The following RGS6 variants were observed in gnomAD, a reference collection of about 807,000 sequenced individuals.
RGS6 encodes regulator of G protein signaling 6.
In RGS6, 30 loss-of-function variants were observed where a neutral mutation model predicts 78.5. That is an observed-to-expected ratio of 0.38 (90% CI 0.29 to 0.52). The LOEUF (loss-of-function observed/expected upper bound fraction) is 0.52. Ranked by LOEUF, RGS6 falls within the 20% of genes least tolerant of loss-of-function variation. RGS6 has a pLI of 0.85. For missense variants in RGS6, 495 were observed against 609.7 expected, an observed-to-expected ratio of 0.81 and a Z score of 1.98; for synonymous variants, 206 against 206.0, an observed-to-expected ratio of 1.00 and a Z score of 0.00.
intron 2 of RGS6, among the ~76,000 whole-genome samples, chr14:72,323,013 AT>A (rs139005398): frequency 0.01 from 1,597 of 152,274 alleles, 29 homozygotes; most frequent in African/African-American, 0.036. Flanking sequence ...AATAGCATTA[AT>A]TAACATTATT....
the RGS6 span, among the ~76,000 whole-genome samples, chr14:71,909,404 G>A: frequency 1.3e-5 from 2 of 152,072 alleles, no homozygotes; most frequent in African/African-American, 4.8e-5. Context: ...ATGCAATTTA[G>A]TAGAGGTGTA....
At chr14:72,340,837 T>C (rs1162818702) in intron 2 of RGS6, among the ~76,000 whole-genome samples, 2 of 152,136 alleles carry the variant, frequency 1.3e-5, no homozygotes, top group African/African-American at 4.8e-5. Context: ...GCAGAGCAGA[T>C]GTAGAGGACC....
chr14:72,433,767 C>T (rs1343782071), intron 3 of RGS6, among the ~76,000 whole-genome samples: 1 of 152,188 alleles, frequency 6.6e-6, no homozygotes, highest in Non-Finnish European at 1.5e-5. Context: ...CCACTTACTA[C>T]AGACCATGTG....
At chr14:72,540,651 T>C in intron 17 of RGS6, 1 of 1,409,146 alleles carries the variant, frequency 7.1e-7, no homozygotes, top group South Asian at 1.1e-5. Flanking sequence ...TGTGTGTTAG[T>C]CGCCTCTGCA....
chr14:71,899,613 A>G, the RGS6 span, among the ~76,000 whole-genome samples: 1 of 152,236 alleles, frequency 6.6e-6, no homozygotes, highest in Non-Finnish European at 1.5e-5. Context: ...AAACCAATCA[A>G]TATGTGCTAT....
chr14:72,550,307 T>A, intron 17 of RGS6: 1 of 683,974 alleles, frequency 1.5e-6, no homozygotes. Flanking sequence ...AGTTGGTGCC[T>A]AGGTATAAGA....
intron 2 of RGS6, among the ~76,000 whole-genome samples, chr14:72,273,006 C>T (rs1390909619): frequency 4.6e-5 from 7 of 152,052 alleles, no homozygotes; most frequent in Non-Finnish European, 2.9e-5. Flanking sequence ...ATCCCAGCTA[C>T]TTGGGAAGCT....
intron 2 of RGS6, among the ~76,000 whole-genome samples, chr14:72,347,008 C>T (rs1225862468): frequency 6.6e-6 from 1 of 152,182 alleles, no homozygotes; most frequent in East Asian, 1.9e-4. Context: ...TGAAGAAGGA[C>T]ATTCTCGTGG....
chr14:72,176,508 C>A (rs557357867), intron 2 of RGS6, among the ~76,000 whole-genome samples: 69 of 152,310 alleles, frequency 4.5e-4, no homozygotes, highest in Middle Eastern at 3.4e-3. Flanking sequence ...CATAGCCATG[C>A]ACCGCTGTGC....
chr14:71,868,757 C>T, the RGS6 span, among the ~76,000 whole-genome samples: 3 of 152,312 alleles, frequency 2.0e-5, no homozygotes, highest in African/African-American at 7.2e-5. Flanking sequence ...CAGAAGAGCA[C>T]AATTCCATAA....
intron 2 of RGS6, among the ~76,000 whole-genome samples, chr14:72,065,281 C>A (rs967259523): frequency 2.0e-5 from 3 of 152,176 alleles, no homozygotes; most frequent in Non-Finnish European, 4.4e-5. Flanking sequence ...TTACAAATTG[C>A]ATTTTTTCCT....
intron 2 of RGS6, among the ~76,000 whole-genome samples, chr14:72,209,759 A>G (rs961556829): frequency 4.6e-5 from 7 of 152,280 alleles, no homozygotes; most frequent in Non-Finnish European, 8.8e-5. Flanking sequence ...TGGTGAGAAC[A>G]CCTAAATCAT....
chr14:72,353,970 C>T (rs1324658243), intron 3 of RGS6, among the ~76,000 whole-genome samples: 2 of 142,126 alleles, frequency 1.4e-5, no homozygotes, highest in Non-Finnish European at 1.5e-5. Flanking sequence ...GGTAACAGAG[C>T]GAGACTCTGT....
At chr14:72,508,170 T>C (rs2096832620) in intron 13 of RGS6, among the ~76,000 whole-genome samples, 1 of 152,002 alleles carries the variant, frequency 6.6e-6, no homozygotes. Context: ...AAATGCAGAG[T>C]TGCAAGCCAG....
intron 2 of RGS6, among the ~76,000 whole-genome samples, chr14:72,275,339 A>T (rs1327774216): frequency 6.6e-6 from 1 of 152,228 alleles, no homozygotes; most frequent in Admixed American, 6.5e-5. Context: ...ATCTCAGTGG[A>T]TAGTCCCCAG....
chr14:72,111,336 C>G (rs534738765), intron 2 of RGS6, among the ~76,000 whole-genome samples: 127 of 152,212 alleles, frequency 8.3e-4, no homozygotes, highest in African/African-American at 3.0e-3. Flanking sequence ...GTTTCTCTTC[C>G]AGGACAATCA....
At chr14:71,923,603 A>G in the RGS6 span, among the ~76,000 whole-genome samples, 13 of 152,090 alleles carry the variant, frequency 8.5e-5, no homozygotes, top group Non-Finnish European at 1.9e-4. Flanking sequence ...ACTACTCAGC[A>G]ATAAAAACGT....
At chr14:72,469,122 T>A (rs756441552) in intron 7 of RGS6, among the ~76,000 whole-genome samples, 17 of 152,084 alleles carry the variant, frequency 1.1e-4, no homozygotes, top group Non-Finnish European at 2.2e-4. Context: ...TCTTTTTCTC[T>A]AACGGCAGCC....
intron 3 of RGS6, among the ~76,000 whole-genome samples, chr14:72,422,062 T>C (rs1042130959): frequency 1.4e-4 from 22 of 152,180 alleles, no homozygotes; most frequent in Non-Finnish European, 2.8e-4. Flanking sequence ...CCTCATGAGA[T>C]ATGATGGTAT....
Sources: gnomAD v4.1 joint callset for allele counts (sites outside exome capture counted in the v4.1 genomes callset) on GRCh38, gnomAD v4.1.1 for gene constraint, MANE v1.5 for transcripts, NCBI Gene and HGNC (gene_info 2026-07-23, HGNC 2026-07-21) for gene names.